The following SLC7A14 variants were observed in gnomAD, a reference collection of about 807,000 sequenced individuals.
SLC7A14 encodes solute carrier family 7 member 14, also known as gamma-aminobutyric acid transporter SLC7A14.
Under a neutral mutation model 60.2 loss-of-function variants are expected in SLC7A14, and 37 were observed. That is an observed-to-expected ratio of 0.61 (90% confidence interval 0.47 to 0.81). The LOEUF is 0.81. SLC7A14 is among the 30% of genes least tolerant of loss of function. SLC7A14 has a pLI of 0.00. For missense variants in SLC7A14, 886 were observed against 982.7 expected (o/e 0.90, Z 1.32); for synonymous variants, 399 against 395.8 (o/e 1.01, Z -0.10).
Position 170,536,534 on chromosome 3 carries a change from T to C in SLC7A14, c.-152-9446A>G, listed in dbSNP as rs1389121562. Among the ~76,000 whole-genome samples the C allele has an allele frequency of 2.6e-5, 4 of 152,228 alleles. No homozygotes were observed. In the East Asian group the frequency reaches 7.7e-4, roughly 29 times the overall value. On this transcript the variant is annotated intron_variant, in intron 1 of 7. Transcript: ENST00000231706. ...GTCTGATGGGCCCATAGGTCATTTCTAAATACATGCAGATTTCCAAAATTA... is the reference window on the plus strand; with the variant it reads ...GTCTGATGGGCCCATAGGTCATTTCCAAATACATGCAGATTTCCAAAATTA...
intron 2 of SLC7A14, among the ~76,000 whole-genome samples, chr3:170,510,672 A>T (rs1285539293): frequency 6.6e-6 from 1 of 152,186 alleles, no homozygotes; most frequent in African/African-American, 2.4e-5. Flanking sequence ...CAACTAAAGA[A>T]TCCACAGGGT....
chr3:170,543,939 AG>A (rs1418332766), intron 1 of SLC7A14, among the ~76,000 whole-genome samples: 1 of 151,516 alleles, frequency 6.6e-6, no homozygotes, highest in Non-Finnish European at 1.5e-5. Flanking sequence ...TAGTAGAGAC[AG>A]GGTTTCACTA....
In SLC7A14 at chr3:170,463,273, G is replaced by C. The variant is rs1455125371; in HGVS notation, c.*3782C>G. ...AATGGAGGCACAGCACAAATTCTTA[G>C]CCAGAGGACCACAAACTAGTAGACC... is the stretch of plus-strand genomic sequence containing the variant. On this transcript the variant is annotated 3_prime_UTR_variant, in exon 8 of 8. Transcript: ENST00000231706. 1 of 152,106 alleles carries C rather than the reference G, an allele frequency of 6.6e-6. No homozygotes were observed. The highest frequency in any genetic ancestry group is 6.6e-5 in the Admixed American group (1 of 15,254). 9.4% of individuals were successfully genotyped at this position (152,106 alleles called of 1,614,324 possible). A position where few individuals can be genotyped will look rare whatever the true frequency, so the allele number is the denominator to read the frequency against.
At chr3:170,556,803 TAGACAGACACA>T (rs1714495953) in intron 1 of SLC7A14, among the ~76,000 whole-genome samples, 1 of 152,190 alleles carries the variant, frequency 6.6e-6, no homozygotes, top group African/African-American at 2.4e-5. Context: ...TTGCCTACCA[TAGACAGACACA>T]GACACACTGA....
At chr3:170,558,600 C>G (rs1213148310) in intron 1 of SLC7A14, among the ~76,000 whole-genome samples, 6 of 152,136 alleles carry the variant, frequency 3.9e-5, no homozygotes, top group African/African-American at 1.4e-4. Flanking sequence ...ACCAAGGTAT[C>G]TGGGAAAATA....
intron 1 of SLC7A14, among the ~76,000 whole-genome samples, chr3:170,530,036 G>A (rs1283360916): frequency 6.6e-6 from 1 of 152,218 alleles, no homozygotes; most frequent in African/African-American, 2.4e-5. Context: ...TATTGCTTAA[G>A]CCACATGGAC....
Position 170,459,977 on chromosome 3 carries a change from G to C in SLC7A14, c.*7078C>G, listed in dbSNP as rs1419324675. The C allele has an allele frequency of 6.6e-6, 1 of 152,166 alleles. No homozygotes were observed. Among genetic ancestry groups the C allele is most frequent in the African/African-American group, 2.4e-5 (1 of 41,522 alleles). 9.4% of individuals were successfully genotyped at this position (152,166 alleles called of 1,614,324 possible). A position where few individuals can be genotyped will look rare whatever the true frequency, so the allele number is the denominator to read the frequency against. ...ATTTAGAATTTTCCCTTAGTATCTT[G>C]ATAAATCAATATATTGTCAACACCA... On this transcript the variant is annotated 3_prime_UTR_variant, in exon 8 of 8. Transcript: ENST00000231706.
intron 1 of SLC7A14, among the ~76,000 whole-genome samples, chr3:170,536,359 A>G (rs1294655857): frequency 1.3e-5 from 2 of 152,248 alleles, no homozygotes; most frequent in African/African-American, 2.4e-5. Context: ...AGTGAACCAT[A>G]AAAGTTTAGA....
intron 5 of SLC7A14, among the ~76,000 whole-genome samples, chr3:170,484,188 C>T (rs1413298400): frequency 2.0e-5 from 3 of 152,174 alleles, no homozygotes; most frequent in African/African-American, 7.2e-5. Context: ...ACAACTATGG[C>T]TTTGCTTAAT....
chr3:170,506,460 A>T (rs1398742646), intron 2 of SLC7A14, among the ~76,000 whole-genome samples: 1 of 152,206 alleles, frequency 6.6e-6, no homozygotes, highest in Admixed American at 6.5e-5. Flanking sequence ...AGGTACCGGG[A>T]GATTCTCGAT....
chr3:170,574,112 T>C (rs908795534), intron 1 of SLC7A14, among the ~76,000 whole-genome samples: 2 of 152,220 alleles, frequency 1.3e-5, no homozygotes, highest in African/African-American at 4.8e-5. Context: ...AAGCCCTACC[T>C]GAGAAGCTAG....
intron 1 of SLC7A14, among the ~76,000 whole-genome samples, chr3:170,529,862 G>T (rs1290273784): frequency 2.0e-5 from 3 of 152,118 alleles, no homozygotes; most frequent in African/African-American, 7.2e-5. Context: ...CAGACATGGG[G>T]GTTATGCCTC....
At chr3:170,489,936 AG>A (rs1465483761) in intron 4 of SLC7A14, among the ~76,000 whole-genome samples, 1 of 139,244 alleles carries the variant, frequency 7.2e-6, no homozygotes, top group African/African-American at 2.8e-5. Context: ...TGGTTATCAG[AG>A]GCTGGGAAGG....
chr3:170,547,112 A>G (rs1344107001), intron 1 of SLC7A14, among the ~76,000 whole-genome samples: 3 of 151,816 alleles, frequency 2.0e-5, no homozygotes, highest in Non-Finnish European at 2.9e-5. Context: ...TCAAGACACC[A>G]TACCCCTTCC....
chr3:170,487,488 T>A (rs1712072819), intron 4 of SLC7A14, among the ~76,000 whole-genome samples: 2 of 152,120 alleles, frequency 1.3e-5, no homozygotes, highest in Non-Finnish European at 1.5e-5. Context: ...TGGACCATTT[T>A]ATTTTTCTTT....
At chr3:170,583,721 T>TGCTAC (rs1425121243) in intron 1 of SLC7A14, among the ~76,000 whole-genome samples, 1 of 152,262 alleles carries the variant, frequency 6.6e-6, no homozygotes, top group African/African-American at 2.4e-5. Context: ...CCTGAAGCCC[T>TGCTAC]GCTACTCTTT....
intron 1 of SLC7A14, among the ~76,000 whole-genome samples, chr3:170,561,428 G>T (rs988939347): frequency 6.6e-6 from 1 of 152,204 alleles, no homozygotes; most frequent in Non-Finnish European, 1.5e-5. Flanking sequence ...CATGAAGAGA[G>T]TACTGGATTA....
intron 2 of SLC7A14, among the ~76,000 whole-genome samples, chr3:170,511,982 G>A (rs1369620225): frequency 2.0e-5 from 3 of 152,262 alleles, no homozygotes; most frequent in Middle Eastern, 6.8e-3. Context: ...TCTTATAACT[G>A]GACTAAAAAG....
intron 4 of SLC7A14, among the ~76,000 whole-genome samples, chr3:170,491,211 A>G (rs1712207860): frequency 6.6e-6 from 1 of 152,258 alleles, no homozygotes; most frequent in Non-Finnish European, 1.5e-5. Context: ...CATCTATATT[A>G]TTCATGAAAC....
Sources: gnomAD v4.1 joint callset for allele counts (sites outside exome capture counted in the v4.1 genomes callset) on GRCh38, gnomAD v4.1.1 for gene constraint, MANE v1.5 for transcripts, NCBI Gene and HGNC (gene_info 2026-07-23, HGNC 2026-07-21) for gene names.